Variants in RAB38 observed in about 807,000 individuals in gnomAD.
RAB38 encodes ras-related protein Rab-38.
Under a neutral mutation model 18.4 loss-of-function variants are expected in RAB38, and 15 were observed. That is an observed-to-expected ratio of 0.82 (90% confidence interval 0.55 to 1.26). The LOEUF is 1.26. RAB38 is among the 50% of genes most tolerant of loss of function. The pLI is 0.00. For synonymous variants in RAB38, 101 were observed against 104.4 expected (o/e 0.97, Z 0.20); for missense variants, 294 against 267.4 (o/e 1.10, Z -0.69).
the RAB38 span, among the ~76,000 whole-genome samples, chr11:88,017,362 CAT>C: frequency 1.4e-5 from 1 of 71,802 alleles, no homozygotes; most frequent in Admixed American, 1.5e-4. Flanking sequence ...TATATAGACA[CAT>C]ACACACACAC....
the RAB38 span, among the ~76,000 whole-genome samples, chr11:87,848,151 G>A: frequency 3.9e-5 from 6 of 152,006 alleles, no homozygotes; most frequent in Non-Finnish European, 8.8e-5. Flanking sequence ...TCCCTGATTT[G>A]CAGCTTTCAG....
At chr11:88,027,911 G>C in the RAB38 span, among the ~76,000 whole-genome samples, 2 of 152,190 alleles carry the variant, frequency 1.3e-5, no homozygotes, top group Non-Finnish European at 2.9e-5. Flanking sequence ...TCTGAGAATG[G>C]GCAGACTGCC....
the RAB38 span, among the ~76,000 whole-genome samples, chr11:87,928,589 A>G: frequency 6.6e-6 from 1 of 152,080 alleles, no homozygotes; most frequent in Non-Finnish European, 1.5e-5. Flanking sequence ...GTAAAAATAC[A>G]TAACGATATA....
intron 2 of RAB38, among the ~76,000 whole-genome samples, chr11:88,115,196 A>G (rs995335747): frequency 6.6e-6 from 1 of 152,188 alleles, no homozygotes; most frequent in Non-Finnish European, 1.5e-5. Context: ...ATAAAGTTAA[A>G]TTTGATTGTT....
the RAB38 span, among the ~76,000 whole-genome samples, chr11:88,098,889 T>G: frequency 6.6e-6 from 1 of 152,010 alleles, no homozygotes; most frequent in Non-Finnish European, 1.5e-5. Flanking sequence ...TAGCCCATTT[T>G]CATTTTGGGT....
the RAB38 span, among the ~76,000 whole-genome samples, chr11:87,866,195 G>T: frequency 1.3e-5 from 2 of 151,600 alleles, no homozygotes; most frequent in Non-Finnish European, 3.0e-5. Context: ...AGGGTGGGAA[G>T]ACAGATAGAG....
chr11:88,139,345 G>A (rs1480256129), intron 2 of RAB38, among the ~76,000 whole-genome samples: 2 of 152,076 alleles, frequency 1.3e-5, no homozygotes, highest in East Asian at 3.9e-4. Flanking sequence ...CTTATTCTTG[G>A]CAACCCAGAT....
chr11:87,814,859 G>A, the RAB38 span, among the ~76,000 whole-genome samples: 3 of 151,400 alleles, frequency 2.0e-5, no homozygotes, highest in African/African-American at 4.9e-5. Context: ...TCAGCCTCCC[G>A]AGTAGCTGGG....
At chr11:88,026,793 A>T in the RAB38 span, among the ~76,000 whole-genome samples, 1 of 152,104 alleles carries the variant, frequency 6.6e-6, no homozygotes, top group Non-Finnish European at 1.5e-5. Flanking sequence ...TGATTCAGAG[A>T]AATCATTAAT....
chr11:87,854,864 G>C, the RAB38 span, among the ~76,000 whole-genome samples: 7 of 152,132 alleles, frequency 4.6e-5, no homozygotes, highest in Admixed American at 4.6e-4. Context: ...GTGTGATCTT[G>C]GCTCATTGCA....
chr11:88,061,668 T>A, the RAB38 span: 2 of 152,164 alleles, frequency 1.3e-5, no homozygotes, highest in African/African-American at 4.8e-5. Context: ...ATGACTTTTT[T>A]TTTTCCACAG....
At chr11:88,024,269 C>T in the RAB38 span, among the ~76,000 whole-genome samples, 581 of 152,110 alleles carry the variant, frequency 3.8e-3, 2 homozygotes, top group African/African-American at 0.013. Context: ...AAATGGTAAA[C>T]AGGGATATGA....
intron 2 of RAB38, among the ~76,000 whole-genome samples, chr11:88,118,010 C>T (rs1942579735): frequency 6.6e-6 from 1 of 152,146 alleles, no homozygotes; most frequent in Admixed American, 6.6e-5. Flanking sequence ...AAGTCACACA[C>T]TAGTAATTGG....
the RAB38 span, among the ~76,000 whole-genome samples, chr11:87,976,346 T>G: frequency 1.4e-5 from 2 of 142,802 alleles, no homozygotes; most frequent in South Asian, 4.2e-4. Flanking sequence ...GGTATATATA[T>G]AAAATATAAA....
chr11:88,076,405 A>C, the RAB38 span, among the ~76,000 whole-genome samples: 1 of 152,296 alleles, frequency 6.6e-6, no homozygotes, highest in South Asian at 2.1e-4. Flanking sequence ...ATTCAGTGTA[A>C]TACTAGGAGT....
the RAB38 span, among the ~76,000 whole-genome samples, chr11:87,964,303 T>C: frequency 2.6e-5 from 4 of 152,042 alleles, no homozygotes; most frequent in Non-Finnish European, 4.4e-5. Flanking sequence ...GGAACTCCAG[T>C]GTGATATTCT....
the RAB38 span, among the ~76,000 whole-genome samples, chr11:87,924,415 A>T: frequency 6.6e-6 from 1 of 152,054 alleles, no homozygotes; most frequent in East Asian, 1.9e-4. Context: ...CAGCTGATGC[A>T]ACATGAGGAA....
At chr11:88,144,191 C>T (rs1942952206) in intron 2 of RAB38, among the ~76,000 whole-genome samples, 1 of 152,142 alleles carries the variant, frequency 6.6e-6, no homozygotes, top group South Asian at 2.1e-4. Flanking sequence ...AAATCAGACC[C>T]CTCCTTTTAT....
At chr11:87,842,228 A>T in the RAB38 span, among the ~76,000 whole-genome samples, 1 of 152,226 alleles carries the variant, frequency 6.6e-6, no homozygotes, top group Admixed American at 6.5e-5. Context: ...GATGACATGG[A>T]AGGCCACAAC....
Sources: allele counts gnomAD v4.1 joint callset (sites outside exome capture counted in the v4.1 genomes callset), GRCh38; gene constraint gnomAD v4.1.1; transcripts MANE v1.5; gene names NCBI Gene and HGNC (gene_info 2026-07-23, HGNC 2026-07-21).